ADAMTS2: variants seen among roughly 807,000 people sequenced by gnomAD.
ADAMTS2 encodes the protein ADAM metallopeptidase with thrombospondin type 1 motif 2.
A neutral mutation model predicts 123.0 loss-of-function variants in ADAMTS2; 50 were observed. That is an observed-to-expected ratio of 0.41 (90% CI 0.32 to 0.51). The LOEUF is 0.51. ADAMTS2 is among the 20% of genes least tolerant of loss of function. The pLI is 0.35. For synonymous variants in ADAMTS2, 678 were observed against 695.4 expected, an observed-to-expected ratio of 0.98 and a Z score of 0.39; for missense variants, 1,494 against 1,705.2, an observed-to-expected ratio of 0.88 and a Z score of 2.18.
At chr5:179,266,590 G>A (rs1031397815) in intron 3 of ADAMTS2, among the ~76,000 whole-genome samples, 4 of 152,194 alleles carry the variant, frequency 2.6e-5, no homozygotes, top group Non-Finnish European at 1.5e-5. Flanking sequence ...CTGAGCTCCC[G>A]AACTGTGAGG....
intron 3 of ADAMTS2, among the ~76,000 whole-genome samples, chr5:179,244,232 T>C (rs1170283085): frequency 6.6e-6 from 1 of 152,018 alleles, no homozygotes; most frequent in Non-Finnish European, 1.5e-5. Flanking sequence ...ATAGTAAAAA[T>C]GCCGAAAGCC....
intron 12 of ADAMTS2, 144 bp downstream of exon 12, chr5:179,137,624 AG>A: frequency 2.7e-6 from 3 of 1,103,536 alleles, no homozygotes; most frequent in Non-Finnish European, 3.9e-6. Flanking sequence ...GGGCCAGGGC[AG>A]CCACACCAGC....
intron 3 of ADAMTS2, among the ~76,000 whole-genome samples, chr5:179,222,261 C>T (rs1328785397): frequency 6.6e-6 from 1 of 152,222 alleles, no homozygotes; most frequent in Non-Finnish European, 1.5e-5. Flanking sequence ...CCCCACACAG[C>T]ACCCAGACCA....
At chr5:179,251,482 G>GC (rs1765924390) in intron 3 of ADAMTS2, among the ~76,000 whole-genome samples, 1 of 152,096 alleles carries the variant, frequency 6.6e-6, no homozygotes, top group South Asian at 2.1e-4. Flanking sequence ...GAAACCAGCA[G>GC]CCCCCCACCC....
rs112668631 is a variant in ADAMTS2, at chr5:179,242,745, C to T, written c.688+30166G>A. 2.0e-5 allele frequency among the ~76,000 whole-genome samples: 3 copies of T among 152,270 alleles called. No homozygotes were observed. Among genetic ancestry groups the T allele is most frequent in the African/African-American group, 7.2e-5 (3 of 41,560 alleles). ...GGGGTGTGTGGCCAAGAACACAGGG[C>T]TCCCTCTTCCCTCAGATCCCAGTCA... On this transcript the variant is annotated intron_variant, in intron 3 of 21. Coordinates refer to ENST00000251582, the MANE Select transcript of ADAMTS2 (RefSeq NM_014244.5). This position sits in a 1 kb window ranked among gnomAD's most constrained non-coding sequence, Gnocchi z 4.2.
At chr5:179,161,618 G>C (rs920296709) in intron 5 of ADAMTS2, among the ~76,000 whole-genome samples, 3 of 152,172 alleles carry the variant, frequency 2.0e-5, no homozygotes, top group Non-Finnish European at 4.4e-5. Flanking sequence ...GTGCCCTATA[G>C]TGCCGGAAAG....
At chr5:179,217,040 G>C (rs1764999257) in intron 3 of ADAMTS2, among the ~76,000 whole-genome samples, 1 of 152,224 alleles carries the variant, frequency 6.6e-6, no homozygotes, top group Non-Finnish European at 1.5e-5. Context: ...TTGCAGATGG[G>C]CAAACTTGCA....
intron 4 of ADAMTS2, among the ~76,000 whole-genome samples, chr5:179,204,734 C>T (rs967570457): frequency 2.0e-5 from 3 of 152,246 alleles, no homozygotes; most frequent in Non-Finnish European, 2.9e-5. Flanking sequence ...TTATCTCCCT[C>T]GCCCACGCTG....
At chr5:179,226,089 C>T (rs560779812) in intron 3 of ADAMTS2, among the ~76,000 whole-genome samples, 1 of 152,152 alleles carries the variant, frequency 6.6e-6, no homozygotes, top group Non-Finnish European at 1.5e-5. Flanking sequence ...AAGAAGGAAG[C>T]CACACCCCCA....
intron 2 of ADAMTS2, among the ~76,000 whole-genome samples, chr5:179,325,644 T>C (rs377591895): frequency 6.6e-6 from 1 of 152,226 alleles, no homozygotes; most frequent in African/African-American, 2.4e-5. Context: ...CACTGGGCTC[T>C]CCCAGAAACC....
chr5:179,339,417 G>A (rs1757707606), intron 2 of ADAMTS2, among the ~76,000 whole-genome samples: 1 of 152,234 alleles, frequency 6.6e-6, no homozygotes, highest in Non-Finnish European at 1.5e-5. Flanking sequence ...CATGCTCTGA[G>A]CCCCTGGATT....
chr5:179,114,287 C>G lies in ADAMTS2; in HGVS notation c.3216G>C (p.Arg1072Ser). ...HCQGDKSIFC[R>S]MEVLSRYCSI... ...AGCAATAGCGGGACAAGACTTCCATCCTACAGAATATTGACTTGTCGCCTT... is the reference window on the plus strand; with the variant it reads ...AGCAATAGCGGGACAAGACTTCCATGCTACAGAATATTGACTTGTCGCCTT... The change falls in exon 22 of 22, where the codon AGG becomes AGC. Residue 1072 changes from arginine (R) to serine (S), a missense_variant. Physicochemically the swap from Arg to Ser is moderately radical, Grantham distance 110 (BLOSUM62 -1). Around this residue, in one of 6 missense-constraint regions of ADAMTS2, gnomAD observed 953 missense variants for 1,124.7 expected, o/e 0.85. Coordinates refer to ENST00000251582, the MANE Select transcript of ADAMTS2 (RefSeq NM_014244.5). 6.2e-7 allele frequency: 1 copy of G among 1,614,142 alleles called. No homozygotes were observed. Among genetic ancestry groups the G allele is most frequent in the Non-Finnish European group, 8.5e-7 (1 of 1,180,028 alleles).
At chr5:179,329,738 C>T (rs577964480) in intron 2 of ADAMTS2, among the ~76,000 whole-genome samples, 1 of 152,284 alleles carries the variant, frequency 6.6e-6, no homozygotes, top group Non-Finnish European at 1.5e-5. Context: ...AATATAAACC[C>T]ACCCAAGCTA....
chr5:179,144,943 C>A (rs1334013991), intron 10 of ADAMTS2, among the ~76,000 whole-genome samples: 1 of 152,180 alleles, frequency 6.6e-6, no homozygotes, highest in East Asian at 1.9e-4. Flanking sequence ...AGTGAAAAGA[C>A]AACCCACAGA....
chr5:179,246,461 A>T (rs1399138211), intron 3 of ADAMTS2, among the ~76,000 whole-genome samples: 1 of 152,204 alleles, frequency 6.6e-6, no homozygotes, highest in African/African-American at 2.4e-5. Context: ...ACATATCTAA[A>T]GGCTTGGGGA....
rs752757648 is a variant in ADAMTS2 at position 179,343,994 on chromosome 5, C to T, written c.307G>A (p.Glu103Lys). The change falls in exon 2 of 22, where the codon GAG (glutamate) becomes AAG (lysine). Residue 103 changes from glutamate to lysine, a missense_variant. This residue lies in a region of ADAMTS2 where 237 missense variants were observed against 233.7 expected (regional missense o/e 1.01). Coordinates refer to ENST00000251582, the MANE Select transcript of ADAMTS2 (RefSeq NM_014244.5). ...RTPSFPGGNE[E>K]EPGSHLFYNV... ...TAGAAGAGGTGACTGCCAGGCTCCT[C>T]CTCGTTGCCTCCGGGGAAGCTCGGG... 8 of 1,612,720 alleles carry T rather than the reference C, an allele frequency of 5.0e-6. No individual in the cohort carries two copies. The highest frequency in any genetic ancestry group is 5.1e-6 in the Non-Finnish European group (6 of 1,179,882).
At chr5:179,281,473 C>T (rs410826) in intron 2 of ADAMTS2, among the ~76,000 whole-genome samples, 18,216 of 152,242 alleles carry the variant, frequency 0.12, 1,210 homozygotes, top group Middle Eastern at 0.15. Flanking sequence ...GCTTCCTTCA[C>T]TTAGTATGTT....
intron 15 of ADAMTS2, among the ~76,000 whole-genome samples, chr5:179,131,193 A>G (rs7704524): frequency 0.29 from 43,780 of 150,994 alleles, 6,457 homozygotes; most frequent in African/African-American, 0.35. Context: ...CACGCCTGTA[A>G]TCCCAGCTAC....
chr5:179,148,068 C>T (rs1348622379), intron 10 of ADAMTS2, among the ~76,000 whole-genome samples: 1 of 152,084 alleles, frequency 6.6e-6, no homozygotes, highest in East Asian at 1.9e-4. Context: ...TCCATGGCTC[C>T]CCACTCGCAG....
Sources: allele counts gnomAD v4.1 joint callset (sites outside exome capture counted in the v4.1 genomes callset), GRCh38; gene constraint gnomAD v4.1.1; regional missense constraint gnomAD v4.1.1; non-coding constraint Gnocchi (gnomAD v3.1); transcripts MANE v1.5; gene names NCBI Gene and HGNC (gene_info 2026-07-23, HGNC 2026-07-21).